The following ANXA2 variants were observed in gnomAD, a reference collection of about 807,000 sequenced individuals.
ANXA2 encodes the protein annexin II.
A neutral mutation model predicts 47.3 loss-of-function variants in ANXA2; 28 were observed. The observed-to-expected ratio is 0.59, with a 90% CI of 0.44 to 0.81. The LOEUF is 0.81. ANXA2 is among the 40% of genes least tolerant of loss of function. The pLI is 0.00. For synonymous variants in ANXA2, 172 were observed against 155.5 expected (o/e 1.11, Z -0.79); for missense variants, 384 against 414.3 (o/e 0.93, Z 0.64).
chr15:60,375,487 T>A (rs2062764039), intron 3 of ANXA2, among the ~76,000 whole-genome samples: 3 of 152,190 alleles, frequency 2.0e-5, no homozygotes, highest in Non-Finnish European at 4.4e-5. Flanking sequence ...ACCCATATGG[T>A]AAACCATTCA....
chr15:60,367,270 G>T (rs1385348522), intron 3 of ANXA2, among the ~76,000 whole-genome samples: 157 of 132,074 alleles, frequency 1.2e-3, no homozygotes, highest in African/African-American at 4.2e-3. Context: ...GGGAGGTGGG[G>T]GGATCAGCCC....
intron 3 of ANXA2, among the ~76,000 whole-genome samples, chr15:60,371,519 C>A (rs553860072): frequency 1.3e-5 from 2 of 152,292 alleles, no homozygotes; most frequent in South Asian, 2.1e-4. Context: ...CTTTATTGTC[C>A]ATGGCAAGGC....
chr15:60,366,605 T>C (rs2062610713), intron 3 of ANXA2, among the ~76,000 whole-genome samples: 1 of 137,502 alleles, frequency 7.3e-6, no homozygotes, highest in African/African-American at 2.8e-5. Context: ...AGCCCCTCCG[T>C]CCGGCAACCA....
chr15:60,377,856 G>C (rs896817150), intron 3 of ANXA2, among the ~76,000 whole-genome samples: 1 of 152,046 alleles, frequency 6.6e-6, no homozygotes, highest in Non-Finnish European at 1.5e-5. Flanking sequence ...CGGAGGCCAA[G>C]ACAGGTGGAT....
Position 60,355,462 on chromosome 15 carries a change from G to C in ANXA2, c.528+457C>G. On this transcript the variant is annotated intron_variant, in intron 7 of 12. Transcript: ENST00000451270. ...ACAGGGGAAATGCCCCTTCCTCCAT[G>C]TTAATGTGTTAATATTAGCAATCAG... is the stretch of plus-strand genomic sequence containing the variant. The C allele has an allele frequency of 2.3e-5, 6 of 257,110 alleles. No homozygotes were observed. In the South Asian group the frequency reaches 2.8e-4, roughly 12 times the overall value. The allele number at this position is 257,110 out of a possible 1,614,324, so 15.9% of individuals were successfully genotyped here.
chr15:60,384,381 C>A (rs540723570), intron 2 of ANXA2: 38 of 152,248 alleles, frequency 2.5e-4, no homozygotes, highest in Admixed American at 2.1e-3. Flanking sequence ...GAAATTAAAT[C>A]GAGAATTGAA....
chr15:60,357,662 G>A (rs543402062), intron 5 of ANXA2, among the ~76,000 whole-genome samples: 5 of 151,990 alleles, frequency 3.3e-5, no homozygotes, highest in Non-Finnish European at 7.4e-5. Context: ...GCATGGTAGC[G>A]GGCGCCTGTA....
chr15:60,395,777 C>G (rs1275335385), intron 1 of ANXA2: 1 of 152,240 alleles, frequency 6.6e-6, no homozygotes, highest in African/African-American at 2.4e-5. Flanking sequence ...CACAGGCAGT[C>G]TAGTTGGCAC....
At chr15:60,380,065 G>A (rs2062834595) in intron 3 of ANXA2, among the ~76,000 whole-genome samples, 1 of 152,218 alleles carries the variant, frequency 6.6e-6, no homozygotes, top group Admixed American at 6.5e-5. Context: ...GAAACCACAT[G>A]AATCTAGGCA....
At chr15:60,361,467 T>A (rs1370536637) in intron 4 of ANXA2, 4 of 189,172 alleles carry the variant, frequency 2.1e-5, no homozygotes, top group African/African-American at 9.6e-5. Flanking sequence ...GGCAAGCAGA[T>A]CTTGTGGCCT....
intron 3 of ANXA2, among the ~76,000 whole-genome samples, chr15:60,365,349 C>T (rs1207722099): frequency 6.6e-6 from 1 of 152,148 alleles, no homozygotes; most frequent in Non-Finnish European, 1.5e-5. Flanking sequence ...ATACTCCTAA[C>T]ATGCCATTTA....
chr15:60,397,737 C>G, intron 1 of ANXA2: 3 of 503,456 alleles, frequency 6.0e-6, no homozygotes, highest in Non-Finnish European at 8.5e-6. Context: ...GGGCCGGTGG[C>G]CCCTCACCCC....
intron 3 of ANXA2, among the ~76,000 whole-genome samples, chr15:60,380,752 T>G (rs12909425): frequency 7.0e-6 from 1 of 142,550 alleles, no homozygotes; most frequent in African/African-American, 2.6e-5. Flanking sequence ...TGCAGTGAGC[T>G]GAGATGATGC....
Position 60,368,308 on chromosome 15 carries a change from TA to T in ANXA2, c.149-3786del, listed in dbSNP as rs147990822. Among the ~76,000 whole-genome samples, 1,168 of 134,970 alleles carry T rather than the reference TA, an allele frequency of 8.7e-3. 8 individuals carry two copies. Among genetic ancestry groups the T allele is most frequent in the African/African-American group, 0.013 (483 of 37,636 alleles). The allele number at this position is 134,970 out of a possible 152,430, so 88.5% of individuals were successfully genotyped here. On this transcript the variant is annotated intron_variant, in intron 3 of 12. Transcript: ENST00000451270. The stretch of plus-strand genomic sequence containing the variant: ...GCGAGAAACACCCAAGAATGATCAA[TA>T]AAAAAAAAAAATAAAATAAAATAAA...
At chr15:60,366,425 C>T (rs1213159242) in intron 3 of ANXA2, among the ~76,000 whole-genome samples, 1 of 150,102 alleles carries the variant, frequency 6.7e-6, no homozygotes, top group African/African-American at 2.5e-5. Flanking sequence ...GGCCGCCCAT[C>T]GTCTGAGATG....
chr15:60,361,254 G>A (rs550597789), intron 4 of ANXA2, among the ~76,000 whole-genome samples, 200 bp from the exon 5 acceptor site: 1 of 152,254 alleles, frequency 6.6e-6, no homozygotes, highest in Admixed American at 6.5e-5. Context: ...TTGCTTCAAC[G>A]AAATTCCTTA....
At chr15:60,381,428 G>C (rs370949618) in intron 3 of ANXA2, among the ~76,000 whole-genome samples, 1 of 152,152 alleles carries the variant, frequency 6.6e-6, no homozygotes, top group African/African-American at 2.4e-5. Flanking sequence ...ATTTTTCAGG[G>C]ATTCAGGGGA....
rs1895768533 is a variant in ANXA2 at position 60,347,422 on chromosome 15, C to T, written c.*208G>A. ...CACATCATAGACTTCACTTCCAACT[C>T]CTTGGAATGTTCATTTCTTTGGCTT... is the stretch of plus-strand genomic sequence containing the variant. On this transcript the variant is annotated 3_prime_UTR_variant, in exon 13 of 13. Coordinates refer to ENST00000451270, the MANE Select transcript of ANXA2 (RefSeq NM_004039.3). The T allele has an allele frequency of 3.3e-6, 2 of 602,586 alleles. No individual in the cohort carries two copies. Among genetic ancestry groups the T allele is most frequent in the South Asian group, 4.0e-5 (2 of 50,124 alleles). 37.3% of individuals were successfully genotyped at this position (602,586 alleles called of 1,614,324 possible). A position where few individuals can be genotyped will look rare whatever the true frequency, so the allele number is the denominator to read the frequency against.
rs10552250 is a variant in ANXA2 at position 60,391,897 on chromosome 15, G to GA, written c.-11-5812dup. 5.6e-4 allele frequency among the ~76,000 whole-genome samples: 83 copies of GA among 148,278 alleles called. 1 individual carries two copies. The highest frequency in any genetic ancestry group is 1.1e-3 in the African/African-American group (44 of 39,992). Reference sequence around the variant, plus strand: ...CCGACTGGTTTCAACTCTCCAACAAGAAAAAAAAAAAAAAATCAGCAAATT... The same window carrying GA: ...CCGACTGGTTTCAACTCTCCAACAAGAAAAAAAAAAAAAAAATCAGCAAATT... On this transcript the variant is annotated intron_variant, in intron 1 of 12. Coordinates refer to ENST00000451270, the MANE Select transcript of ANXA2 (RefSeq NM_004039.3).
Sources: allele counts gnomAD v4.1 joint callset (sites outside exome capture counted in the v4.1 genomes callset), GRCh38; gene constraint gnomAD v4.1.1; transcripts MANE v1.5; gene names NCBI Gene and HGNC (gene_info 2026-07-23, HGNC 2026-07-21).